SLAMF9: variants seen among roughly 807,000 people sequenced by gnomAD.
SLAMF9 encodes SLAM family member 9, also known as CD2 family member 10.
A neutral mutation model predicts 30.4 loss-of-function variants in SLAMF9; 25 were observed. The ratio of observed to expected loss-of-function variants is 0.82; its 90% confidence interval spans 0.60 to 1.15. SLAMF9 has a LOEUF of 1.15. Ranked by LOEUF, SLAMF9 falls within the 50% of genes most tolerant of loss-of-function variation. SLAMF9 has a pLI of 0.00. For missense variants in SLAMF9, 344 were observed against 346.1 expected, an observed-to-expected ratio of 0.99 and a Z score of 0.05; for synonymous variants, 129 against 127.2, an observed-to-expected ratio of 1.01 and a Z score of -0.09.
chr1:159,969,450 A>C, the SLAMF9 span, among the ~76,000 whole-genome samples: 2 of 152,232 alleles, frequency 1.3e-5, no homozygotes, highest in African/African-American at 2.4e-5. Context: ...ATGATAAAAA[A>C]TAAACTATTC....
Position 159,953,319 on chromosome 1 carries a change from T to A in SLAMF9, c.381A>T (p.Ile127=), listed in dbSNP as rs1651826563. 4 of 1,601,962 alleles carry A rather than the reference T, an allele frequency of 2.5e-6. No individual in the cohort carries two copies. The East Asian group carries it at 9.0e-5, about 36-fold the overall frequency. Residue 127 remains isoleucine (I), a synonymous_variant, in exon 2 of 4, where the codon ATA becomes ATT. Coordinates refer to ENST00000368093, the MANE Select transcript of SLAMF9 (RefSeq NM_033438.4). ...CCAGCCTAAACTCACGGTAGACACA[T>A]ATATTGTACTGCTGCATGGTAGAGA... is the stretch of plus-strand genomic sequence containing the variant. ...SQISTMQQYN[I]CVYRWLSEPQ...
chr1:159,973,885 G>A, the SLAMF9 span: 21 of 1,612,296 alleles, frequency 1.3e-5, no homozygotes, highest in South Asian at 4.4e-5. Flanking sequence ...TACTGGCCAC[G>A]GCTCTGCATT....
the SLAMF9 span, among the ~76,000 whole-genome samples, chr1:159,979,903 GCCA>G: frequency 6.6e-6 from 1 of 152,130 alleles, no homozygotes; most frequent in Non-Finnish European, 1.5e-5. Flanking sequence ...TTTGGAGGCA[GCCA>G]TAAATTAATA....
the SLAMF9 span, chr1:159,976,962 G>GAAAGAAAGAAAGAA: frequency 2.5e-5 from 1 of 39,334 alleles, no homozygotes; most frequent in Non-Finnish European, 7.0e-5. Context: ...GAAAGAAAGA[G>GAAAGAAAGAAAGAA]AAAGAAAGAA....
upstream of SLAMF9, among the ~76,000 whole-genome samples, chr1:159,956,250 G>C (rs552952781): frequency 6.6e-6 from 1 of 152,310 alleles, no homozygotes; most frequent in Admixed American, 6.5e-5. Flanking sequence ...AAGATCCCTT[G>C]AGGCCAGGAA....
At chr1:159,951,888 A>G in intron 3 of SLAMF9, 22 bp from the exon 4 acceptor site, 4 of 1,608,858 alleles carry the variant, frequency 2.5e-6, no homozygotes, top group Non-Finnish European at 3.4e-6. Flanking sequence ...GAAAGGAGGA[A>G]AGGGCCCATC....
chr1:159,979,456 C>T, the SLAMF9 span, among the ~76,000 whole-genome samples: 4 of 152,202 alleles, frequency 2.6e-5, no homozygotes, highest in African/African-American at 9.6e-5. Flanking sequence ...CTTGGGTAAG[C>T]AGGCTTAGAT....
In SLAMF9 at chr1:159,952,296, A is replaced by G. The variant is rs1166561710; in HGVS notation, c.630T>C (p.Ser210=). 6.2e-7 allele frequency: 1 copy of G among 1,613,890 alleles called. No homozygotes were observed. Among genetic ancestry groups the G allele is most frequent in the Non-Finnish European group, 8.5e-7 (1 of 1,179,998 alleles). Residue 210 remains serine, a synonymous_variant, in exon 3 of 4, where the codon AGT becomes AGC. Coordinates refer to ENST00000368093, the MANE Select transcript of SLAMF9 (RefSeq NM_033438.4). ...CRANNPISNV[S]SCPIPDGPFY... is the part of the protein sequence containing the mutation. ...AGGGCCCATCAGGGATGGGGCAAGAACTGACGTTGCTGATGGGGTTGTTGG... is the reference window on the plus strand; with the variant it reads ...AGGGCCCATCAGGGATGGGGCAAGAGCTGACGTTGCTGATGGGGTTGTTGG...
upstream of SLAMF9, among the ~76,000 whole-genome samples, chr1:159,958,676 G>A (rs919888595): frequency 6.6e-6 from 1 of 152,082 alleles, no homozygotes; most frequent in African/African-American, 2.4e-5. Flanking sequence ...TGTTGCCCAA[G>A]CTGGTCTTAA....
At chr1:159,974,696 C>T in the SLAMF9 span, among the ~76,000 whole-genome samples, 4 of 152,212 alleles carry the variant, frequency 2.6e-5, no homozygotes, top group South Asian at 4.1e-4. Flanking sequence ...CCTAAACTTA[C>T]GTTCTCTGTC....
the SLAMF9 span, among the ~76,000 whole-genome samples, chr1:159,980,007 C>T: frequency 3.9e-5 from 6 of 152,206 alleles, no homozygotes; most frequent in Non-Finnish European, 4.4e-5. Context: ...AGCACAGAAT[C>T]GGCGTGGGGA....
chr1:159,979,357 T>C, the SLAMF9 span, among the ~76,000 whole-genome samples: 3 of 152,198 alleles, frequency 2.0e-5, no homozygotes, highest in African/African-American at 7.2e-5. Flanking sequence ...ATGCAAACAC[T>C]GGTAGGAAAA....
At chr1:159,976,965 A>AGAAAGAAAGAAAGAAG in the SLAMF9 span, 7 of 51,146 alleles carry the variant, frequency 1.4e-4, no homozygotes, top group African/African-American at 2.6e-4. Context: ...AGAAAGAGAA[A>AGAAAGAAAGAAAGAAG]GAAAGAAGGA....
chr1:159,960,403 C>T, the SLAMF9 span, among the ~76,000 whole-genome samples: 3 of 151,710 alleles, frequency 2.0e-5, no homozygotes, highest in East Asian at 5.8e-4. Flanking sequence ...GATGGAGTGC[C>T]CCATGAAGTT....
the SLAMF9 span, among the ~76,000 whole-genome samples, chr1:159,959,929 G>A: frequency 8.9e-4 from 135 of 151,998 alleles, 1 homozygote; most frequent in Non-Finnish European, 1.9e-3. Flanking sequence ...ACTAAGGCAG[G>A]AAGAGACCCA....
the SLAMF9 span, among the ~76,000 whole-genome samples, chr1:159,974,270 T>C: frequency 5.3e-5 from 8 of 152,160 alleles, no homozygotes; most frequent in African/African-American, 1.9e-4. Context: ...TTTCCTTCTC[T>C]CCTTCCTCTT....
At chr1:159,971,530 C>T in the SLAMF9 span, among the ~76,000 whole-genome samples, 11 of 152,104 alleles carry the variant, frequency 7.2e-5, no homozygotes, top group African/African-American at 2.7e-4. Flanking sequence ...CGTTGAGCCC[C>T]TTTATGAGCT....
chr1:159,961,891 G>A, the SLAMF9 span, among the ~76,000 whole-genome samples: 8 of 152,210 alleles, frequency 5.3e-5, no homozygotes, highest in Admixed American at 5.2e-4. Context: ...GGGCGTGGCG[G>A]CTCATGCCTA....
the SLAMF9 span, among the ~76,000 whole-genome samples, chr1:159,970,477 C>A: frequency 3.9e-5 from 6 of 152,210 alleles, no homozygotes; most frequent in African/African-American, 1.4e-4. Flanking sequence ...CTCTGAGCAG[C>A]CCTGTGATTT....
Sources: gnomAD v4.1 joint callset for allele counts (sites outside exome capture counted in the v4.1 genomes callset) on GRCh38, gnomAD v4.1.1 for gene constraint, MANE v1.5 for transcripts, NCBI Gene and HGNC (gene_info 2026-07-23, HGNC 2026-07-21) for gene names.